Variants in WNT7B observed in about 807,000 individuals in gnomAD.
WNT7B encodes Wnt family member 7B.
WNT7B carries 19 observed loss-of-function variants against 38.2 expected under a neutral mutation model. That is an observed-to-expected ratio of 0.50 (90% CI 0.35 to 0.73). The LOEUF (loss-of-function observed/expected upper bound fraction) is 0.73. Among genes scored for constraint, WNT7B ranks in the 30% least tolerant of loss-of-function variants. The pLI is 0.01. For synonymous variants in WNT7B, 243 were observed against 209.3 expected (o/e 1.16, Z -1.39); for missense variants, 423 against 507.9 (o/e 0.83, Z 1.61).
At chr22:45,943,299 T>C (rs1931712242) in intron 2 of WNT7B, among the ~76,000 whole-genome samples, 1 of 152,234 alleles carries the variant, frequency 6.6e-6, no homozygotes, top group Non-Finnish European at 1.5e-5. Context: ...GCCGTTGTCA[T>C]AAACAGATCA....
chr22:45,970,905 CG>C (rs1174304840), intron 1 of WNT7B, among the ~76,000 whole-genome samples: 1 of 152,254 alleles, frequency 6.6e-6, no homozygotes, highest in Non-Finnish European at 1.5e-5. Flanking sequence ...CCTCCGCAGC[CG>C]GGGCTGCCCG....
intron 3 of WNT7B, among the ~76,000 whole-genome samples, chr22:45,930,314 T>G (rs1411874581): frequency 6.6e-6 from 1 of 152,240 alleles, no homozygotes; most frequent in East Asian, 1.9e-4. Flanking sequence ...CAGCTCCACT[T>G]TGCCTGGAAC....
chr22:45,955,116 A>C (rs530173029), intron 1 of WNT7B, among the ~76,000 whole-genome samples: 1 of 152,344 alleles, frequency 6.6e-6, no homozygotes, highest in East Asian at 1.9e-4. Context: ...GCTGTGCAGC[A>C]ATTCATTCCA....
At chr22:45,959,003 T>C (rs1234334941) in intron 1 of WNT7B, among the ~76,000 whole-genome samples, 2 of 152,148 alleles carry the variant, frequency 1.3e-5, no homozygotes, top group East Asian at 1.9e-4. Context: ...CGAGCCCCCA[T>C]AGCTGGGTCC....
intron 2 of WNT7B, among the ~76,000 whole-genome samples, chr22:45,939,647 A>ACT (rs1491481988): frequency 6.9e-6 from 1 of 143,956 alleles, no homozygotes; most frequent in Non-Finnish European, 1.5e-5. Context: ...ACACACACAC[A>ACT]CTCACACACA....
At chr22:45,949,830 A>T in intron 2 of WNT7B, 90 bp downstream of exon 2, 1 of 1,304,230 alleles carries the variant, frequency 7.7e-7, no homozygotes, top group Non-Finnish European at 1.1e-6. Flanking sequence ...TGTGTGCAGA[A>T]CAGCGGCCTA....
intron 1 of WNT7B, among the ~76,000 whole-genome samples, chr22:45,970,757 TC>T (rs1053523363): frequency 5.3e-5 from 8 of 151,970 alleles, no homozygotes; most frequent in Non-Finnish European, 1.0e-4. Flanking sequence ...AATTCCAAAG[TC>T]CCCTGGTTGA....
intron 3 of WNT7B, among the ~76,000 whole-genome samples, chr22:45,930,608 T>A (rs1035506416): frequency 6.6e-6 from 1 of 152,102 alleles, no homozygotes; most frequent in Non-Finnish European, 1.5e-5. Flanking sequence ...AGCGGCCTGC[T>A]CCCCAGCAGC....
At chr22:45,960,794 C>T (rs970101409) in intron 1 of WNT7B, among the ~76,000 whole-genome samples, 12 of 152,218 alleles carry the variant, frequency 7.9e-5, no homozygotes, top group Non-Finnish European at 2.9e-5. Flanking sequence ...CACCCAGGGC[C>T]GAGTCCTCGC....
In WNT7B at chr22:45,927,059, T is replaced by C. The variant is rs928547030; in HGVS notation, c.571-3724A>G. ...TGTCACCAAGAGAGGTGCCCTCAGC[T>C]GTCCGGACAACAGCCCCCAGGCCTC... On this transcript the variant is annotated intron_variant, in intron 3 of 3. Coordinates refer to ENST00000339464, the MANE Select transcript of WNT7B (RefSeq NM_058238.3). 28 of 985,418 alleles carry C rather than the reference T, an allele frequency of 2.8e-5. No individual in the cohort carries two copies. In the South Asian group the frequency reaches 8.9e-4, roughly 31 times the overall value. 61.0% of individuals were successfully genotyped at this position (985,418 alleles called of 1,614,324 possible).
intron 2 of WNT7B, among the ~76,000 whole-genome samples, chr22:45,937,540 A>G (rs991450801): frequency 2.0e-5 from 3 of 152,154 alleles, no homozygotes; most frequent in African/African-American, 7.2e-5. Context: ...GCAGACACAC[A>G]TTTGGGCATC....
chr22:45,931,562 G>A (rs1037692357), intron 2 of WNT7B, among the ~76,000 whole-genome samples, 193 bp from the exon 3 acceptor site: 1 of 152,190 alleles, frequency 6.6e-6, no homozygotes, highest in African/African-American at 2.4e-5. Flanking sequence ...CTATGGTAGG[G>A]GCAGCACCTG....
Position 45,957,712 on chromosome 22 carries a change from A to T in WNT7B, c.72-7566T>A, listed in dbSNP as rs13303165. 5.5e-5 allele frequency among the ~76,000 whole-genome samples: 8 copies of T among 145,522 alleles called. No homozygotes were observed. In the South Asian group the frequency reaches 1.8e-3, roughly 32 times the overall value. On this transcript the variant is annotated intron_variant, in intron 1 of 3. Coordinates refer to ENST00000339464, the MANE Select transcript of WNT7B (RefSeq NM_058238.3). ...AAAAAAAAAAAAAAAAAAAAAAAAA[A>T]CAGAAAACACGCTTCAAAATTCAAA...
At chr22:45,936,665 G>C (rs1931521655) in intron 2 of WNT7B, among the ~76,000 whole-genome samples, 1 of 152,260 alleles carries the variant, frequency 6.6e-6, no homozygotes. Flanking sequence ...GCAGCCCCCT[G>C]CCCTGCCTCT....
Position 45,931,175 on chromosome 22 carries a change from G to A in WNT7B, c.493C>T (p.Arg165Cys), listed in dbSNP as rs770389705. The A allele has an allele frequency of 3.8e-6, 6 of 1,599,562 alleles. No individual in the cohort carries two copies. Among genetic ancestry groups the A allele is most frequent in the Non-Finnish European group, 5.1e-6 (6 of 1,179,616 alleles). The change falls in exon 3 of 4, where the codon CGC becomes TGC. Residue 165 changes from arginine to cysteine, a missense_variant. This residue lies in a region of WNT7B where 132 missense variants were observed against 113.4 expected (regional missense o/e 1.16). Transcript: ENST00000339464. Reference protein sequence around the residue: ...DVRYGIDFSRRFVDAREIKKN... With the variant: ...DVRYGIDFSRCFVDAREIKKN... Reference sequence around the variant, plus strand: ...TTGATCTCCCGAGCGTCCACGAAGCGCCGGGAGAAGTCGATGCCGTAACGC... The same window carrying A: ...TTGATCTCCCGAGCGTCCACGAAGCACCGGGAGAAGTCGATGCCGTAACGC...
intron 2 of WNT7B, among the ~76,000 whole-genome samples, chr22:45,932,567 T>C (rs73444572): frequency 6.6e-6 from 1 of 152,090 alleles, no homozygotes; most frequent in Non-Finnish European, 1.5e-5. Flanking sequence ...TCTCATTTCC[T>C]CTTTGTTTCC....
intron 3 of WNT7B, chr22:45,925,727 AGGCCAGGCGCCACCCCAGGAGCTGCCCT>A: frequency 1.0e-6 from 1 of 985,360 alleles, no homozygotes; most frequent in African/African-American, 1.7e-5. Flanking sequence ...GATGCTCCCC[AGGCCAGGCGCCACCCCAGGAGCTGCCCT>A]GATGGTGGCC....
chr22:45,952,834 G>C (rs367650468), intron 1 of WNT7B, among the ~76,000 whole-genome samples: 7 of 152,224 alleles, frequency 4.6e-5, no homozygotes, highest in African/African-American at 1.7e-4. Context: ...TCTGCTCAAA[G>C]CCCATCCATA....
intron 1 of WNT7B, among the ~76,000 whole-genome samples, chr22:45,970,360 G>T (rs561760231): frequency 6.6e-6 from 1 of 152,198 alleles, no homozygotes; most frequent in Non-Finnish European, 1.5e-5. Flanking sequence ...CAAGCCTGGC[G>T]GGGGTAGTCA....
Sources: gnomAD v4.1 joint callset for allele counts (sites outside exome capture counted in the v4.1 genomes callset) on GRCh38, gnomAD v4.1.1 for gene constraint, gnomAD v4.1.1 regional missense constraint, MANE v1.5 for transcripts, NCBI Gene and HGNC (gene_info 2026-07-23, HGNC 2026-07-21) for gene names.